ITPKB: variants seen among roughly 807,000 people sequenced by gnomAD.
The protein encoded by ITPKB is inositol-trisphosphate 3-kinase B.
In ITPKB, 13 loss-of-function variants were observed where a neutral mutation model predicts 69.4. The observed-to-expected ratio is 0.19, with a 90% CI of 0.12 to 0.30. ITPKB has a LOEUF of 0.30. Ranked by LOEUF, ITPKB falls within the 10% of genes least tolerant of loss-of-function variation. The pLI is 1.00. For synonymous variants in ITPKB, 584 were observed against 513.7 expected, an observed-to-expected ratio of 1.14 and a Z score of -1.85; for missense variants, 1,240 against 1,250.5, an observed-to-expected ratio of 0.99 and a Z score of 0.13.
chr1:226,691,173 A>G (rs1343132647), intron 2 of ITPKB, among the ~76,000 whole-genome samples: 1 of 152,132 alleles, frequency 6.6e-6, no homozygotes, highest in Non-Finnish European at 1.5e-5. Flanking sequence ...ATGTAATGCC[A>G]CTAAACTGTG....
intron 2 of ITPKB, among the ~76,000 whole-genome samples, chr1:226,653,726 C>T (rs2102750581): frequency 6.6e-6 from 1 of 152,360 alleles, no homozygotes; most frequent in South Asian, 2.1e-4. Flanking sequence ...GGGCTGGAGA[C>T]ACACGGCTTT....
At chr1:226,708,744 G>A (rs952615517) in intron 2 of ITPKB, among the ~76,000 whole-genome samples, 4 of 152,236 alleles carry the variant, frequency 2.6e-5, no homozygotes, top group Non-Finnish European at 5.9e-5. Context: ...AGAACTGCCT[G>A]TGCTGGGACT....
At chr1:226,658,187 G>A (rs1669332476) in intron 2 of ITPKB, among the ~76,000 whole-genome samples, 2 of 152,188 alleles carry the variant, frequency 1.3e-5, no homozygotes, top group African/African-American at 2.4e-5. Flanking sequence ...AGCAGTTAGG[G>A]TTTCCCTAGT....
intron 2 of ITPKB, among the ~76,000 whole-genome samples, chr1:226,726,102 A>T (rs1189459676): frequency 1.3e-5 from 2 of 152,184 alleles, no homozygotes; most frequent in Admixed American, 1.3e-4. Context: ...TCTTATTTGG[A>T]CTCACAAAGA....
chr1:226,688,904 T>C (rs1233018566), intron 2 of ITPKB, among the ~76,000 whole-genome samples: 2 of 152,178 alleles, frequency 1.3e-5, no homozygotes, highest in Admixed American at 6.5e-5. Flanking sequence ...CCACTCCATT[T>C]TCCCCCCCAA....
chr1:226,737,820 G>A (rs1004223061), intron 1 of ITPKB, among the ~76,000 whole-genome samples, 157 bp from the exon 2 acceptor site: 1 of 152,124 alleles, frequency 6.6e-6, no homozygotes, highest in African/African-American at 2.4e-5. Flanking sequence ...GCTCGGCGAG[G>A]GCATGCCCCG....
intron 2 of ITPKB, among the ~76,000 whole-genome samples, chr1:226,710,413 A>G (rs1415695003): frequency 1.3e-5 from 2 of 152,234 alleles, no homozygotes; most frequent in African/African-American, 4.8e-5. Flanking sequence ...AAAGTGCCAT[A>G]AAACGTACTA....
chr1:226,736,400 C>T lies in ITPKB; in HGVS notation c.1059G>A (p.Glu353=). 6.2e-7 allele frequency: 1 copy of T among 1,612,508 alleles called. No individual in the cohort carries two copies. The highest frequency in any genetic ancestry group is 8.5e-7 in the Non-Finnish European group (1 of 1,179,990). Residue 353 remains glutamate (E), a synonymous_variant, in exon 2 of 8, where the codon GAG becomes GAA. Transcript: ENST00000429204. ...CGCCCCTTTCTGGGGCTGGGCTTGT[C>T]TCACTGCCCAGAAACTGCCCCTGCC... ...VERQGQFLGS[E]TSPAPERGGP...
In ITPKB at chr1:226,633,337, C is replaced by G. The variant is rs747589278; in HGVS notation, c.*1334G>C. 2.6e-5 allele frequency: 4 copies of G among 152,236 alleles called. No individual in the cohort carries two copies. The highest frequency in any genetic ancestry group is 6.5e-5 in the Admixed American group (1 of 15,288). The allele number at this position is 152,236 out of a possible 1,614,324, so 9.4% of individuals were successfully genotyped here. On this transcript the variant is annotated 3_prime_UTR_variant, in exon 8 of 8. Transcript: ENST00000429204. The stretch of plus-strand genomic sequence containing the variant: ...CTGGACTCTCCCAGCTCCTGTACCT[C>G]TGACAGCAAAGGAGTGGGTGGCAAG...
In ITPKB at chr1:226,661,220, G is replaced by T. The variant is rs115509589; in HGVS notation, c.1933-12449C>A. Among the ~76,000 whole-genome samples the T allele has an allele frequency of 8.6e-3, 1,309 of 152,354 alleles. 21 individuals are homozygous for T. The highest frequency in any genetic ancestry group is 0.029 in the African/African-American group (1,195 of 41,572). On this transcript the variant is annotated intron_variant, in intron 2 of 7. Transcript: ENST00000429204. ...CTTAATCCTTCCTTTATAGCCCACAGAGAGGTAAGGCAGGGCAGGAGCGCA... is the reference window on the plus strand; with the variant it reads ...CTTAATCCTTCCTTTATAGCCCACATAGAGGTAAGGCAGGGCAGGAGCGCA...
Sources: allele counts gnomAD v4.1 joint callset (sites outside exome capture counted in the v4.1 genomes callset), GRCh38; gene constraint gnomAD v4.1.1; transcripts MANE v1.5; gene names NCBI Gene and HGNC (gene_info 2026-07-23, HGNC 2026-07-21).